MATCAP2: variants seen among roughly 807,000 people sequenced by gnomAD.
The protein encoded by MATCAP2 is putative tyrosine carboxypeptidase MATCAP2.
At chr7:36,361,450 C>T in the MATCAP2 span, among the ~76,000 whole-genome samples, 1 of 152,190 alleles carries the variant, frequency 6.6e-6, no homozygotes, top group Non-Finnish European at 1.5e-5. Flanking sequence ...GTATGGTTCA[C>T]TAATACTTAC....
chr7:36,382,299 CAAAAAAAAAA>C, the MATCAP2 span, among the ~76,000 whole-genome samples: 2 of 62,924 alleles, frequency 3.2e-5, no homozygotes, highest in South Asian at 5.3e-4. Flanking sequence ...GCGTCTGTCT[CAAAAAAAAAA>C]AAAAAAAAAA....
the MATCAP2 span, among the ~76,000 whole-genome samples, chr7:36,350,557 CAG>C: frequency 2.9e-4 from 39 of 133,252 alleles, no homozygotes; most frequent in South Asian, 9.4e-4. Flanking sequence ...TTTTTTGAGA[CAG>C]AGTCTCATTC....
chr7:36,334,358 G>A, the MATCAP2 span, among the ~76,000 whole-genome samples: 1 of 151,768 alleles, frequency 6.6e-6, no homozygotes, highest in Non-Finnish European at 1.5e-5. Flanking sequence ...GCAACATGGT[G>A]AAACATGTCT....
chr7:36,340,820 C>T, the MATCAP2 span, among the ~76,000 whole-genome samples: 5 of 152,216 alleles, frequency 3.3e-5, no homozygotes, highest in Non-Finnish European at 7.3e-5. Context: ...TCAATCACTT[C>T]ATCAGTGAAT....
chr7:36,380,035 G>A, the MATCAP2 span, among the ~76,000 whole-genome samples: 1 of 152,128 alleles, frequency 6.6e-6, no homozygotes, highest in African/African-American at 2.4e-5. Flanking sequence ...AAATAAAGTG[G>A]TGCAAATTGA....
the MATCAP2 span, among the ~76,000 whole-genome samples, chr7:36,376,745 G>A: frequency 1.3e-5 from 2 of 151,968 alleles, no homozygotes; most frequent in South Asian, 4.1e-4. Context: ...TGTAGGTCTC[G>A]AAGGACTTGC....
the MATCAP2 span, among the ~76,000 whole-genome samples, chr7:36,328,099 TTC>T: frequency 6.6e-6 from 1 of 152,016 alleles, no homozygotes; most frequent in East Asian, 1.9e-4. Context: ...GATAGGGTCT[TTC>T]TCTGTCACCC....
the MATCAP2 span, among the ~76,000 whole-genome samples, chr7:36,364,768 T>C: frequency 6.6e-6 from 1 of 152,098 alleles, no homozygotes; most frequent in African/African-American, 2.4e-5. Context: ...CCAAACTGGG[T>C]TTTTCTGATA....
chr7:36,342,120 G>A, the MATCAP2 span, among the ~76,000 whole-genome samples: 2 of 151,466 alleles, frequency 1.3e-5, no homozygotes, highest in African/African-American at 2.4e-5. Flanking sequence ...TTCAGTGTTT[G>A]TGGAAGCACT....
At chr7:36,368,057 A>G in the MATCAP2 span, 2 of 50,528 alleles carry the variant, frequency 4.0e-5, no homozygotes, top group African/African-American at 9.6e-5. Flanking sequence ...AAGTGAGACT[A>G]AAAAAAAAAA....
chr7:36,366,747 C>T, the MATCAP2 span: 1 of 1,535,244 alleles, frequency 6.5e-7, no homozygotes, highest in Middle Eastern at 1.7e-4. Context: ...TTCTCTCTTC[C>T]CTCCACAGGT....
At chr7:36,367,174 T>C in the MATCAP2 span, 1 of 1,201,234 alleles carries the variant, frequency 8.3e-7, no homozygotes, top group Non-Finnish European at 1.0e-6. Context: ...CACGGCGGCC[T>C]TACGGTGCCC....
At chr7:36,358,555 T>C in the MATCAP2 span, among the ~76,000 whole-genome samples, 9 of 152,224 alleles carry the variant, frequency 5.9e-5, no homozygotes, top group Admixed American at 5.2e-4. Context: ...ATATATCAAA[T>C]GGCAAGTGAA....
the MATCAP2 span, among the ~76,000 whole-genome samples, chr7:36,333,583 G>A: frequency 0.94 from 141,469 of 151,180 alleles, 66,394 homozygotes; most frequent in South Asian, 0.98. Context: ...AGCAAAAAAA[G>A]AAATGTTAAC....
At chr7:36,389,656 A>T in the MATCAP2 span, 2 of 216,864 alleles carry the variant, frequency 9.2e-6, no homozygotes, top group African/African-American at 4.6e-5. Flanking sequence ...GCCGTTGGAG[A>T]GCAGGAAGCG....
the MATCAP2 span, among the ~76,000 whole-genome samples, chr7:36,366,174 C>T: frequency 6.6e-6 from 1 of 152,164 alleles, no homozygotes. Context: ...TAATTCTGAA[C>T]TGCCAAAACC....
chr7:36,332,360 A>C, the MATCAP2 span, among the ~76,000 whole-genome samples: 1 of 152,190 alleles, frequency 6.6e-6, no homozygotes, highest in Admixed American at 6.5e-5. Flanking sequence ...GTATATCAAC[A>C]AATTTTCTTC....
chr7:36,389,721 G>A, the MATCAP2 span: 1 of 323,432 alleles, frequency 3.1e-6, no homozygotes, highest in Non-Finnish European at 5.6e-6. Context: ...CGGGAAGGAG[G>A]CGGGGCCGCC....
At chr7:36,326,603 T>C in the MATCAP2 span, 1 of 513,134 alleles carries the variant, frequency 1.9e-6, no homozygotes, top group African/African-American at 2.0e-5. Context: ...TAGTTTAAGA[T>C]CTGTACTTAA....
Sources: gnomAD v4.1 joint callset for allele counts (sites outside exome capture counted in the v4.1 genomes callset) on GRCh38, gnomAD v4.1.1 for gene constraint, MANE v1.5 for transcripts, NCBI Gene and HGNC (gene_info 2026-07-23, HGNC 2026-07-21) for gene names.